CACNA1E: variants seen among roughly 807,000 people sequenced by gnomAD.
CACNA1E encodes calcium voltage-gated channel subunit alpha1 E.
CACNA1E carries 40 observed loss-of-function variants against 259.2 expected under a neutral mutation model. The observed-to-expected ratio is 0.15, with a 90% CI of 0.12 to 0.20. The LOEUF (loss-of-function observed/expected upper bound fraction) is 0.20, where lower values mean the gene tolerates loss of function less well. Among genes scored for constraint, CACNA1E ranks in the 10% least tolerant of loss-of-function variants. The pLI, the probability that CACNA1E is intolerant of heterozygous loss-of-function variation, is 1.00. For missense variants in CACNA1E, 1,874 were observed against 3,040.1 expected, an observed-to-expected ratio of 0.62 and a Z score of 9.02; for synonymous variants, 1,104 against 1,138.5, an observed-to-expected ratio of 0.97 and a Z score of 0.61.
chr1:181,563,392 AC>A (rs1649515239), intron 3 of CACNA1E, among the ~76,000 whole-genome samples: 1 of 152,136 alleles, frequency 6.6e-6, no homozygotes, highest in Non-Finnish European at 1.5e-5. Context: ...ATAAACTCAA[AC>A]AGATCCTTTA....
intron 3 of CACNA1E, among the ~76,000 whole-genome samples, chr1:181,529,423 TC>T (rs1667611789): frequency 6.6e-6 from 1 of 152,000 alleles, no homozygotes; most frequent in Non-Finnish European, 1.5e-5. Flanking sequence ...CCACATGGAG[TC>T]CCTACGGGGG....
chr1:181,707,416 CAGCG>C (rs781140094), intron 7 of CACNA1E, among the ~76,000 whole-genome samples: 22 of 152,210 alleles, frequency 1.4e-4, no homozygotes, highest in Admixed American at 2.6e-4. Flanking sequence ...GCAGGGAACC[CAGCG>C]AGTGAGACCT....
At chr1:181,685,839 T>C (rs570102874) in intron 7 of CACNA1E, among the ~76,000 whole-genome samples, 1 of 152,344 alleles carries the variant, frequency 6.6e-6, no homozygotes, top group East Asian at 1.9e-4. Flanking sequence ...ACTTGTTTCC[T>C]ATGTTGTATA....
At chr1:181,361,114 A>C (rs1653858070) in intron 1 of CACNA1E, among the ~76,000 whole-genome samples, 2 of 152,080 alleles carry the variant, frequency 1.3e-5, no homozygotes, top group South Asian at 4.2e-4. Context: ...AGCCTTCTTC[A>C]TGTGGTCTCC....
At position 181,687,648 on chromosome 1, in the gene CACNA1E, A is replaced by G. The variant is rs141601668; in HGVS notation, c.1056-23306A>G. On this transcript the variant is annotated intron_variant, in intron 7 of 47. Coordinates refer to ENST00000367573, the MANE Select transcript of CACNA1E (RefSeq NM_001205293.3). Reference sequence around the variant, plus strand: ...ACAAATAAAAGGATACAGCCAATGGACACGCAGTTCTTTGGACTGGAAGAA... The same window carrying G: ...ACAAATAAAAGGATACAGCCAATGGGCACGCAGTTCTTTGGACTGGAAGAA... Among the ~76,000 whole-genome samples, 451 of 152,322 alleles carry G rather than the reference A, an allele frequency of 3.0e-3. 2 individuals carry two copies. Among genetic ancestry groups the G allele is most frequent in the African/African-American group, 0.01 (418 of 41,566 alleles).
At chr1:181,775,982 T>G (rs1659939780) in intron 37 of CACNA1E, 119 bp from the exon 38 acceptor site, 2 of 876,706 alleles carry the variant, frequency 2.3e-6, no homozygotes, top group South Asian at 3.4e-5. Context: ...TGTCCCTGCA[T>G]ACCTCTGTTC....
At chr1:181,406,515 C>T (rs1657475141) in intron 1 of CACNA1E, among the ~76,000 whole-genome samples, 1 of 152,076 alleles carries the variant, frequency 6.6e-6, no homozygotes, top group African/African-American at 2.4e-5. Context: ...TCTGCCTCAG[C>T]CTCCTGAGTA....
intron 32 of CACNA1E, among the ~76,000 whole-genome samples, chr1:181,759,111 C>T (rs533561165): frequency 4.6e-5 from 7 of 152,254 alleles, no homozygotes; most frequent in South Asian, 2.1e-4. Flanking sequence ...AGTCCAGAGG[C>T]GGCCATCATT....
intron 6 of CACNA1E, among the ~76,000 whole-genome samples, chr1:181,616,502 C>T (rs1327726303): frequency 5.3e-5 from 8 of 151,938 alleles, no homozygotes; most frequent in East Asian, 1.9e-4. Context: ...ATCATGAGGT[C>T]GAGATTGAGA....
chr1:181,381,794 C>T (rs773372941), intron 1 of CACNA1E, among the ~76,000 whole-genome samples: 44 of 152,030 alleles, frequency 2.9e-4, no homozygotes, highest in Non-Finnish European at 5.6e-4. Flanking sequence ...GTGTGGTGGT[C>T]GGATCAGCAG....
upstream of CACNA1E, among the ~76,000 whole-genome samples, chr1:181,479,071 T>C (rs1162258092): frequency 6.6e-6 from 1 of 152,224 alleles, no homozygotes; most frequent in Non-Finnish European, 1.5e-5. Context: ...TCCTGTTGGG[T>C]TTCCACTTTG....
At chr1:181,465,426 G>A (rs1662094894) in intron 2 of CACNA1E, among the ~76,000 whole-genome samples, 1 of 152,040 alleles carries the variant, frequency 6.6e-6, no homozygotes, top group Admixed American at 6.5e-5. Context: ...TCTTTCTGCA[G>A]TCTCTATGAT....
intron 7 of CACNA1E, among the ~76,000 whole-genome samples, chr1:181,658,882 T>C (rs1429034219): frequency 2.6e-5 from 4 of 152,026 alleles, no homozygotes; most frequent in Non-Finnish European, 5.9e-5. Context: ...TGGGGTGGGC[T>C]TTATTGGTGT....
chr1:181,471,551 A>G (rs1372601626), intron 2 of CACNA1E, among the ~76,000 whole-genome samples: 1 of 151,974 alleles, frequency 6.6e-6, no homozygotes, highest in Non-Finnish European at 1.5e-5. Context: ...TTTTAACTTA[A>G]TACTCTTTTG....
intron 6 of CACNA1E, among the ~76,000 whole-genome samples, chr1:181,598,291 G>A (rs1402441728): frequency 2.6e-5 from 4 of 152,220 alleles, no homozygotes; most frequent in African/African-American, 9.6e-5. Context: ...ACATGCTTGT[G>A]TTCAGTGGAT....
At chr1:181,475,014 A>T (rs1662752024) in intron 2 of CACNA1E, among the ~76,000 whole-genome samples, 1 of 152,192 alleles carries the variant, frequency 6.6e-6, no homozygotes, top group African/African-American at 2.4e-5. Context: ...ACTCACAAGA[A>T]ACAGCTGGGA....
chr1:181,686,435 C>T (rs895748930), intron 7 of CACNA1E, among the ~76,000 whole-genome samples: 19 of 151,724 alleles, frequency 1.3e-4, no homozygotes, highest in South Asian at 1.3e-3. Flanking sequence ...TACAGGCATG[C>T]GCCACCATGC....
At chr1:181,415,362 A>C (rs1010231691) in intron 2 of CACNA1E, among the ~76,000 whole-genome samples, 2 of 151,878 alleles carry the variant, frequency 1.3e-5, no homozygotes, top group Non-Finnish European at 2.9e-5. Context: ...GCTGGCGGGG[A>C]TGATTGGGAG....
intron 3 of CACNA1E, among the ~76,000 whole-genome samples, chr1:181,551,548 A>G (rs1016243675): frequency 6.6e-6 from 1 of 152,178 alleles, no homozygotes; most frequent in African/African-American, 2.4e-5. Context: ...TTGAATATGC[A>G]TCTCACAGGC....
Sources: allele counts gnomAD v4.1 joint callset (sites outside exome capture counted in the v4.1 genomes callset), GRCh38; gene constraint gnomAD v4.1.1; transcripts MANE v1.5; gene names NCBI Gene and HGNC (gene_info 2026-07-23, HGNC 2026-07-21).